CCSER1: variants seen among roughly 807,000 people sequenced by gnomAD.
CCSER1 encodes serine-rich coiled-coil domain-containing protein 1.
Under a neutral mutation model 82.0 loss-of-function variants are expected in CCSER1, and 41 were observed. That is an observed-to-expected ratio of 0.50 (90% CI 0.39 to 0.65). The LOEUF (loss-of-function observed/expected upper bound fraction) is 0.65, where lower values mean the gene tolerates loss of function less well. Ranked by LOEUF, CCSER1 falls within the 30% of genes least tolerant of loss-of-function variation. The pLI is 0.00. For synonymous variants in CCSER1, 414 were observed against 383.9 expected, an observed-to-expected ratio of 1.08 and a Z score of -0.92; for missense variants, 1,119 against 1,064.2, an observed-to-expected ratio of 1.05 and a Z score of -0.72.
At chr4:91,499,639 T>G (rs114706155) in intron 10 of CCSER1, among the ~76,000 whole-genome samples, 2,791 of 152,076 alleles carry the variant, frequency 0.018, 74 homozygotes, top group African/African-American at 0.061. Context: ...CATCTCTCCT[T>G]TCCCCCTAAT....
intron 10 of CCSER1, among the ~76,000 whole-genome samples, chr4:91,345,339 A>C (rs1404677170): frequency 1.3e-5 from 2 of 152,126 alleles, no homozygotes; most frequent in Non-Finnish European, 2.9e-5. Context: ...GTGAGTCAAG[A>C]TCCTGCCACT....
intron 10 of CCSER1, among the ~76,000 whole-genome samples, chr4:91,347,038 T>C (rs1748109206): frequency 6.6e-6 from 1 of 152,164 alleles, no homozygotes; most frequent in Non-Finnish European, 1.5e-5. Context: ...CATCAGGCTT[T>C]AGTGTTGTAT....
intron 1 of CCSER1, among the ~76,000 whole-genome samples, chr4:90,188,303 T>C (rs1734988461): frequency 6.6e-6 from 1 of 151,890 alleles, no homozygotes; most frequent in East Asian, 1.9e-4. Flanking sequence ...AAAAAATATA[T>C]AGTAGCAGTC....
chr4:90,867,046 C>A (rs1398899431), intron 8 of CCSER1, among the ~76,000 whole-genome samples: 1 of 151,970 alleles, frequency 6.6e-6, no homozygotes, highest in Non-Finnish European at 1.5e-5. Context: ...GATTGAGGAT[C>A]GCTAATCTAG....
At chr4:90,158,163 C>A (rs966697798) in intron 1 of CCSER1, among the ~76,000 whole-genome samples, 2 of 146,050 alleles carry the variant, frequency 1.4e-5, no homozygotes, top group Non-Finnish European at 3.0e-5. Context: ...TGCCTGGGTA[C>A]CAGCCGTGGT....
intron 9 of CCSER1, among the ~76,000 whole-genome samples, chr4:91,076,012 G>C (rs1721956518): frequency 6.6e-6 from 1 of 152,088 alleles, no homozygotes; most frequent in African/African-American, 2.4e-5. Flanking sequence ...TAGTACTCAA[G>C]AGTAATTTCT....
At chr4:91,206,169 A>C (rs1373177916) in intron 10 of CCSER1, among the ~76,000 whole-genome samples, 1 of 151,916 alleles carries the variant, frequency 6.6e-6, no homozygotes, top group Non-Finnish European at 1.5e-5. Context: ...TTGAATAAAT[A>C]AGATAATTTT....
At chr4:91,166,188 A>C (rs1474242529) in intron 10 of CCSER1, among the ~76,000 whole-genome samples, 1 of 152,228 alleles carries the variant, frequency 6.6e-6, no homozygotes, top group Non-Finnish European at 1.5e-5. Flanking sequence ...GGTTGTATCT[A>C]ATTGATAAAT....
intron 9 of CCSER1, among the ~76,000 whole-genome samples, chr4:90,995,547 A>G (rs1737415361): frequency 6.6e-6 from 1 of 152,112 alleles, no homozygotes; most frequent in Admixed American, 6.6e-5. Flanking sequence ...TGTACCTCTA[A>G]TTTAGCATAT....
At chr4:91,552,312 G>T (rs1393107947) in intron 10 of CCSER1, among the ~76,000 whole-genome samples, 1 of 151,688 alleles carries the variant, frequency 6.6e-6, no homozygotes, top group Non-Finnish European at 1.5e-5. Context: ...ATTTAATTTA[G>T]CAAGTATTTC....
Position 90,622,885 on chromosome 4 carries a change from A to G in CCSER1, c.1725-5140A>G, listed in dbSNP as rs188273047. ...TGAACTAGTTTACAGTCCCACCAAC[A>G]GTGTAAAAGTGTCCCTATTTCTCCA... On this transcript the variant is annotated intron_variant, in intron 5 of 10. Coordinates refer to ENST00000509176, the MANE Select transcript of CCSER1 (RefSeq NM_001145065.2). 8.9e-3 allele frequency among the ~76,000 whole-genome samples: 1,361 copies of G among 152,232 alleles called. 9 individuals carry two copies. The highest frequency in any genetic ancestry group is 0.014 in the Non-Finnish European group (959 of 68,008).
intron 1 of CCSER1, among the ~76,000 whole-genome samples, chr4:90,302,317 G>C (rs1194941851): frequency 6.6e-6 from 1 of 152,190 alleles, no homozygotes; most frequent in East Asian, 1.9e-4. Context: ...GATATGTAAA[G>C]GAGGAGTACC....
At chr4:91,441,186 A>C (rs981821804) in intron 10 of CCSER1, among the ~76,000 whole-genome samples, 2 of 152,120 alleles carry the variant, frequency 1.3e-5, no homozygotes, top group African/African-American at 4.8e-5. Flanking sequence ...GTTTTAGACC[A>C]ATATCCTTGA....
chr4:91,007,694 CTT>C (rs1451545139), intron 9 of CCSER1, among the ~76,000 whole-genome samples: 4 of 143,316 alleles, frequency 2.8e-5, no homozygotes, highest in East Asian at 2.0e-4. Flanking sequence ...AAAAAAAACT[CTT>C]TTGTTGATCT....
intron 6 of CCSER1, among the ~76,000 whole-genome samples, chr4:90,664,506 C>A (rs1352824935): frequency 6.6e-6 from 1 of 152,102 alleles, no homozygotes; most frequent in Non-Finnish European, 1.5e-5. Context: ...AACATACTAC[C>A]TTGTGGTTCA....
At chr4:91,028,541 A>G (rs959542636) in intron 9 of CCSER1, among the ~76,000 whole-genome samples, 1 of 152,016 alleles carries the variant, frequency 6.6e-6, no homozygotes, top group Non-Finnish European at 1.5e-5. Context: ...TTGATATGTA[A>G]TACTTACCAA....
chr4:91,308,111 A>G (rs1204650920), intron 10 of CCSER1, among the ~76,000 whole-genome samples: 3 of 152,012 alleles, frequency 2.0e-5, no homozygotes, highest in African/African-American at 7.2e-5. Flanking sequence ...CCAAAAAGGC[A>G]TCTTCTTTGG....
At chr4:90,537,479 C>G (rs1775554687) in intron 5 of CCSER1, among the ~76,000 whole-genome samples, 1 of 152,036 alleles carries the variant, frequency 6.6e-6, no homozygotes, top group Admixed American at 6.6e-5. Context: ...TCAATCAGCT[C>G]TTTTCCATTT....
chr4:91,166,825 TTTTG>T (rs1732135955), intron 10 of CCSER1, among the ~76,000 whole-genome samples: 1 of 152,214 alleles, frequency 6.6e-6, no homozygotes, highest in Non-Finnish European at 1.5e-5. Flanking sequence ...AATTTTTCAT[TTTTG>T]TTCTCACTTC....
Sources: allele counts gnomAD v4.1 joint callset (sites outside exome capture counted in the v4.1 genomes callset), GRCh38; gene constraint gnomAD v4.1.1; transcripts MANE v1.5; gene names NCBI Gene and HGNC (gene_info 2026-07-23, HGNC 2026-07-21).